Variants in MED6 observed in about 807,000 individuals in gnomAD.
MED6 encodes the protein mediator complex subunit 6.
A neutral mutation model predicts 37.5 loss-of-function variants in MED6; 33 were observed. That is an observed-to-expected ratio of 0.88 (90% confidence interval 0.67 to 1.18). The LOEUF is 1.18. Among genes scored for constraint, MED6 ranks in the 50% most tolerant of loss-of-function variants. The pLI is 0.00. For synonymous variants in MED6, 94 were observed against 93.6 expected (o/e 1.00, Z -0.02); for missense variants, 235 against 290.6 (o/e 0.81, Z 1.39).
chr14:70,591,313 C>G lies in MED6; in HGVS notation c.535G>C (p.Ala179Pro). Residue 179 changes from alanine to proline, a missense_variant, in exon 6 of 8, where the codon GCT becomes CCT. By Grantham distance (27) the Ala-to-Pro change is conservative. Transcript: ENST00000256379. ...SSIFQRQRVD[A>P]LLLDLRQKFP... is the part of the protein sequence containing the mutation. Reference sequence around the variant, plus strand: ...TTTTGTCTGAGGTCTAAAAGTAAAGCATCCACACGTTGTCTCTGAAAAATA... The same window carrying G: ...TTTTGTCTGAGGTCTAAAAGTAAAGGATCCACACGTTGTCTCTGAAAAATA... The G allele has an allele frequency of 6.2e-7, 1 of 1,611,664 alleles. No homozygotes were observed. The highest frequency in any genetic ancestry group is 8.5e-7 in the Non-Finnish European group (1 of 1,179,254).
intron 5 of MED6, chr14:70,592,418 A>T (rs1364352159): frequency 6.6e-6 from 1 of 152,612 alleles, no homozygotes; most frequent in East Asian, 1.9e-4. Context: ...ATAACTCAAC[A>T]GTCAGGTAAG....
intron 4 of MED6, 71 bp downstream of exon 4, chr14:70,593,225 G>T: frequency 1.5e-6 from 2 of 1,376,780 alleles, no homozygotes; most frequent in South Asian, 1.2e-5. Context: ...AGGAGCTCTA[G>T]TTTGATTACT....
At chr14:70,585,700 T>C (rs1357422518) in intron 7 of MED6, 56 bp downstream of exon 7, 8 of 1,478,572 alleles carry the variant, frequency 5.4e-6, no homozygotes, top group Non-Finnish European at 7.3e-6. Context: ...TTGTGATTGA[T>C]TTACAAGCTG....
intron 1 of MED6, among the ~76,000 whole-genome samples, chr14:70,598,031 C>T (rs924414674): frequency 6.6e-6 from 1 of 152,102 alleles, no homozygotes; most frequent in Non-Finnish European, 1.5e-5. Flanking sequence ...TGCGGTGGCT[C>T]AGCCTGTAAT....
Position 70,585,758 on chromosome 14 carries a change from G to A in MED6, c.608C>T (p.Pro203Leu), listed in dbSNP as rs201677383. ...TAAGAATATTACATGAACCATACCT[G>A]GAACAGGCTTTTCTCCAGGCTTTAG... ...VQLKPGEKPV[P>L]VDQTKKEAEP... The change falls in exon 7 of 8, where the codon CCA (proline) becomes CTA (leucine). Residue 203 changes from proline to leucine, a missense_variant and splice_region_variant. By Grantham distance (98) the Pro-to-Leu change is moderately conservative. Coordinates refer to ENST00000256379, the MANE Select transcript of MED6 (RefSeq NM_005466.4). 182 of 1,599,524 alleles carry A rather than the reference G, an allele frequency of 1.1e-4. 2 individuals are homozygous for A. The East Asian group carries it at 2.5e-3, about 22-fold the overall frequency.
intron 2 of MED6, among the ~76,000 whole-genome samples, chr14:70,597,179 T>C (rs923054004): frequency 2.0e-5 from 3 of 152,234 alleles, no homozygotes; most frequent in African/African-American, 7.2e-5. Flanking sequence ...GTTGTCTCAA[T>C]AGCTGTATTT....
chr14:70,593,082 A>G, intron 4 of MED6, 94 bp from the exon 5 acceptor site: 1 of 1,533,946 alleles, frequency 6.5e-7, no homozygotes, highest in East Asian at 2.3e-5. Flanking sequence ...CAAAGACAGA[A>G]CCTATTTTTC....
At position 70,584,218 on chromosome 14, in the gene MED6, A is replaced by G. The variant is rs765872344; in HGVS notation, c.*595T>C. Reference sequence around the variant, plus strand: ...TGAAAAATATCAGTTATGATGAAGAAAAAAGTCATGATGAAGCAATATATA... The same window carrying G: ...TGAAAAATATCAGTTATGATGAAGAGAAAAGTCATGATGAAGCAATATATA... On this transcript the variant is annotated 3_prime_UTR_variant, in exon 8 of 8. Coordinates refer to ENST00000256379, the MANE Select transcript of MED6 (RefSeq NM_005466.4). 1 of 743,896 alleles carries G rather than the reference A, an allele frequency of 1.3e-6. No individual in the cohort carries two copies. Among genetic ancestry groups the G allele is most frequent in the South Asian group, 1.4e-5 (1 of 71,210 alleles). The allele number at this position is 743,896 out of a possible 1,614,324, so 46.1% of individuals were successfully genotyped here. A position where few individuals can be genotyped will look rare whatever the true frequency, so the allele number is the denominator to read the frequency against.
chr14:70,593,109 T>C (rs2233136), intron 4 of MED6, 121 bp from the exon 5 acceptor site: 32,980 of 1,380,370 alleles, frequency 0.024, 486 homozygotes, highest in Middle Eastern at 0.043. Flanking sequence ...TAAATTACTA[T>C]ATAATTGAGA....
At chr14:70,594,579 T>A in intron 3 of MED6, 1 of 410,504 alleles carries the variant, frequency 2.4e-6, no homozygotes, top group South Asian at 2.1e-5. Context: ...CTCCACCTTC[T>A]CCAACTACTG....
At chr14:70,585,812 G>A in intron 6 of MED6, 29 bp from the exon 7 acceptor site, 2 of 1,594,058 alleles carry the variant, frequency 1.3e-6, no homozygotes, top group South Asian at 1.1e-5. Context: ...AAGGGAGGGA[G>A]AGGAAGAGGA....
At chr14:70,599,882 A>G (rs1885153875) in intron 1 of MED6, among the ~76,000 whole-genome samples, 1 of 152,108 alleles carries the variant, frequency 6.6e-6, no homozygotes, top group Non-Finnish European at 1.5e-5. Flanking sequence ...ATAAGTATAA[A>G]TGAGAATATT....
chr14:70,591,177 G>T, intron 6 of MED6, 89 bp downstream of exon 6: 2 of 1,012,620 alleles, frequency 2.0e-6, no homozygotes, highest in South Asian at 3.0e-5. Flanking sequence ...GTACTTTTAG[G>T]TCACATCTGA....
chr14:70,600,283 T>C (rs906594845), intron 1 of MED6, among the ~76,000 whole-genome samples: 5 of 152,186 alleles, frequency 3.3e-5, no homozygotes, highest in African/African-American at 1.2e-4. Flanking sequence ...CATTCCCTTC[T>C]CTGCCTAAAC....
chr14:70,592,854 T>A, intron 5 of MED6, 26 bp downstream of exon 5: 1 of 1,611,210 alleles, frequency 6.2e-7, no homozygotes, highest in Middle Eastern at 1.7e-4. Flanking sequence ...AAAAGTGTTT[T>A]AGGAGGGTAT....
chr14:70,597,483 T>C, intron 2 of MED6, 135 bp downstream of exon 2: 1 of 628,576 alleles, frequency 1.6e-6, no homozygotes, highest in Non-Finnish European at 2.4e-6. Context: ...GCATGTCAAA[T>C]TTGCATAAAC....
intron 3 of MED6, chr14:70,594,742 T>C (rs924213498): frequency 3.4e-5 from 17 of 497,376 alleles, no homozygotes; most frequent in South Asian, 1.1e-4. Context: ...AGCCTGGCCA[T>C]GGGATGGCCA....
chr14:70,595,823 C>T (rs1885028372), intron 3 of MED6: 1 of 695,370 alleles, frequency 1.4e-6, no homozygotes, highest in Non-Finnish European at 2.6e-6. Flanking sequence ...AATTCTGAGA[C>T]ATTAAGCCAG....
In MED6 at chr14:70,583,950, T is replaced by C. The variant is rs1284577760; in HGVS notation, c.*863A>G. The C allele has an allele frequency of 2.3e-6, 1 of 435,676 alleles. No individual in the cohort carries two copies. The highest frequency in any genetic ancestry group is 3.4e-5 in the East Asian group (1 of 29,342). The allele number at this position is 435,676 out of a possible 1,614,324, so 27.0% of individuals were successfully genotyped here. A position where few individuals can be genotyped will look rare whatever the true frequency, so the allele number is the denominator to read the frequency against. The stretch of plus-strand genomic sequence containing the variant: ...CTGGACTTCTCAGCCTCCATAACTT[T>C]AAAAAAAATAAAATTCCTTTTCTTT... On this transcript the variant is annotated 3_prime_UTR_variant, in exon 8 of 8. Transcript: ENST00000256379.
Sources: gnomAD v4.1 joint callset for allele counts (sites outside exome capture counted in the v4.1 genomes callset) on GRCh38, gnomAD v4.1.1 for gene constraint, MANE v1.5 for transcripts, NCBI Gene and HGNC (gene_info 2026-07-23, HGNC 2026-07-21) for gene names.